NLGN4Y: variants seen among roughly 807,000 people sequenced by gnomAD.
NLGN4Y encodes the protein neuroligin 4 Y-linked.
Under a neutral mutation model 8.4 loss-of-function variants are expected in NLGN4Y, and 4 were observed. The observed-to-expected ratio is 0.48, with a 90% CI of 0.23 to 1.09. NLGN4Y has a LOEUF of 1.09. NLGN4Y is among the 50% of genes least tolerant of loss of function. The pLI is 0.19. For synonymous variants in NLGN4Y, 35 were observed against 75.6 expected (o/e 0.46, Z 2.78); for missense variants, 90 against 192.3 (o/e 0.47, Z 3.15).
At chrY:14,628,464 T>C (rs980129782) in intron 2 of NLGN4Y, among the ~76,000 whole-genome samples, 1 of 33,597 alleles carries the variant, frequency 3.0e-5, no homozygotes, top group African/African-American at 1.2e-4. Context: ...TTAGTAAACG[T>C]AGAGGTAGAT....
At chrY:14,653,032 A>G (rs2080634908) in intron 2 of NLGN4Y, among the ~76,000 whole-genome samples, 1 of 32,596 alleles carries the variant, frequency 3.1e-5, no homozygotes, top group Admixed American at 2.9e-4. Flanking sequence ...GTGTAAACAT[A>G]GATATGTGTA....
At chrY:14,762,194 G>GA (rs2081081815) in intron 4 of NLGN4Y, among the ~76,000 whole-genome samples, 1 of 33,391 alleles carries the variant, frequency 3.0e-5, no homozygotes, top group Non-Finnish European at 7.4e-5. Flanking sequence ...CTTTTGAATT[G>GA]AAAAAAATGT....
chrY:14,530,237 T>C, intron 1 of NLGN4Y, among the ~76,000 whole-genome samples: 30 of 30,438 alleles, frequency 9.9e-4, no homozygotes, highest in Admixed American at 9.5e-3. Context: ...TAGGAGTTCA[T>C]GGCTGCAGTG....
intron 2 of NLGN4Y, among the ~76,000 whole-genome samples, chrY:14,693,557 G>A: frequency 9.4e-5 from 3 of 31,999 alleles, no homozygotes; most frequent in African/African-American, 3.7e-4. Flanking sequence ...CAAGTAGTTG[G>A]GATGACAGGC....
intron 1 of NLGN4Y, among the ~76,000 whole-genome samples, chrY:14,571,206 TACC>T (rs2080268241): frequency 3.0e-5 from 1 of 33,595 alleles, no homozygotes; most frequent in Non-Finnish European, 7.4e-5. Flanking sequence ...TAGTTTATAG[TACC>T]ACCAACAGTG....
chrY:14,816,586 G>T (rs1035807466), intron 4 of NLGN4Y, among the ~76,000 whole-genome samples: 1 of 33,982 alleles, frequency 2.9e-5, no homozygotes, highest in Non-Finnish European at 7.3e-5. Context: ...CCATTTCTAA[G>T]GCTCGGGTAA....
At chrY:14,592,321 A>G (rs900547027) in intron 1 of NLGN4Y, among the ~76,000 whole-genome samples, 1 of 33,365 alleles carries the variant, frequency 3.0e-5, no homozygotes, top group Non-Finnish European at 7.4e-5. Context: ...GAGCTAGAGT[A>G]TATTGTCCTA....
intron 2 of NLGN4Y, among the ~76,000 whole-genome samples, chrY:14,703,079 C>T: frequency 3.1e-5 from 1 of 32,668 alleles, no homozygotes; most frequent in Non-Finnish European, 7.5e-5. Flanking sequence ...TCAGATGGGT[C>T]GATTGCAAAA....
intron 1 of NLGN4Y, among the ~76,000 whole-genome samples, chrY:14,581,257 T>C (rs2080318940): frequency 3.2e-5 from 1 of 31,409 alleles, no homozygotes; most frequent in Non-Finnish European, 7.9e-5. Flanking sequence ...CCAAGCTTCC[T>C]TTTTTTTTTC....
intron 2 of NLGN4Y, among the ~76,000 whole-genome samples, chrY:14,635,724 C>T (rs1264399825): frequency 3.3e-5 from 1 of 30,500 alleles, no homozygotes; most frequent in Admixed American, 3.1e-4. Context: ...CCTGAGTAAC[C>T]GGGACTACAA....
At chrY:14,576,452 G>A in intron 1 of NLGN4Y, among the ~76,000 whole-genome samples, 2 of 33,192 alleles carry the variant, frequency 6.0e-5, no homozygotes, top group Non-Finnish European at 1.5e-4. Context: ...CACAGTATTA[G>A]GGTGGGAGTG....
intron 1 of NLGN4Y, among the ~76,000 whole-genome samples, chrY:14,557,774 G>T: frequency 3.1e-5 from 1 of 32,111 alleles, no homozygotes; most frequent in East Asian, 8.2e-4. Context: ...CCATATTTTG[G>T]GGTATTGTTT....
chrY:14,641,095 A>G (rs2080588865), intron 2 of NLGN4Y, among the ~76,000 whole-genome samples: 1 of 32,785 alleles, frequency 3.1e-5, no homozygotes, highest in Admixed American at 2.8e-4. Flanking sequence ...TGATTCTGTA[A>G]GTTGTCCCTC....
At chrY:14,818,480 G>T in intron 4 of NLGN4Y, among the ~76,000 whole-genome samples, 1 of 33,027 alleles carries the variant, frequency 3.0e-5, no homozygotes, top group Non-Finnish European at 7.4e-5. Context: ...GGAAGTCAAT[G>T]TCCTGGTCCT....
At chrY:14,820,096 C>A (rs2043117319) in intron 4 of NLGN4Y, among the ~76,000 whole-genome samples, 1 of 33,033 alleles carries the variant, frequency 3.0e-5, no homozygotes, top group Non-Finnish European at 7.4e-5. Context: ...GTTGTGCTCG[C>A]CAAAGCAGCA....
chrY:14,735,649 C>A, intron 4 of NLGN4Y, among the ~76,000 whole-genome samples: 21 of 33,222 alleles, frequency 6.3e-4, no homozygotes, highest in Admixed American at 5.9e-3. Context: ...GTGGAAGTGA[C>A]TTTGGAACTG....
chrY:14,561,394 T>C, intron 1 of NLGN4Y, among the ~76,000 whole-genome samples: 1 of 33,016 alleles, frequency 3.0e-5, no homozygotes, highest in Non-Finnish European at 7.5e-5. Context: ...TCCATGTCCT[T>C]GCAAAGGACA....
intron 4 of NLGN4Y, among the ~76,000 whole-genome samples, chrY:14,774,123 A>G (rs2081117089): frequency 3.0e-5 from 1 of 33,628 alleles, no homozygotes; most frequent in African/African-American, 1.2e-4. Context: ...TAAAACACCA[A>G]AAGCAATGGC....
chrY:14,583,872 T>C (rs112167022), intron 1 of NLGN4Y, among the ~76,000 whole-genome samples: 2,419 of 33,980 alleles, frequency 0.071, no homozygotes, highest in Non-Finnish European at 0.11. Context: ...AGAGGCTTTC[T>C]GGTCTTGGGG....
Sources: allele counts gnomAD v4.1 joint callset (sites outside exome capture counted in the v4.1 genomes callset), GRCh38; gene constraint gnomAD v4.1.1; transcripts MANE v1.5; gene names NCBI Gene and HGNC (gene_info 2026-07-23, HGNC 2026-07-21).